Variants in KCNMB2 observed in about 807,000 individuals in gnomAD.
The protein encoded by KCNMB2 is calcium-activated potassium channel subunit beta-2.
In KCNMB2, 9 loss-of-function variants were observed where a neutral mutation model predicts 24.5. The ratio of observed to expected loss-of-function variants is 0.37; its 90% CI spans 0.22 to 0.64. The LOEUF (loss-of-function observed/expected upper bound fraction) is 0.64, where lower values mean the gene tolerates loss of function less well. Among genes scored for constraint, KCNMB2 ranks in the 30% least tolerant of loss-of-function variants. KCNMB2 has a pLI of 0.63. For synonymous variants in KCNMB2, 109 were observed against 104.4 expected, an observed-to-expected ratio of 1.04 and a Z score of -0.27; for missense variants, 226 against 284.3, an observed-to-expected ratio of 0.79 and a Z score of 1.47.
At position 178,750,501 on chromosome 3, in the gene KCNMB2, A is replaced by C. The variant is rs187905993; in HGVS notation, c.-67-56842A>C. Among the ~76,000 whole-genome samples, 1,166 of 152,336 alleles carry C rather than the reference A, an allele frequency of 7.7e-3. 6 individuals are homozygous for C. Among genetic ancestry groups the C allele is most frequent in the Middle Eastern group, 0.017 (5 of 292 alleles). On this transcript the variant is annotated intron_variant, in intron 1 of 4. Transcript: ENST00000452583. The stretch of plus-strand genomic sequence containing the variant: ...GTCAGACATTCTACTCTGAAGGCAG[A>C]ATCCAACAGATCTGATTCCAGAGCC...
At chr3:178,779,277 T>C (rs114405588) in intron 1 of KCNMB2, among the ~76,000 whole-genome samples, 1 of 152,318 alleles carries the variant, frequency 6.6e-6, no homozygotes, top group African/African-American at 2.4e-5. Context: ...GCTTTCAATA[T>C]CCACCTCTTC....
chr3:178,662,210 A>G (rs972259491), intron 1 of KCNMB2, among the ~76,000 whole-genome samples: 1 of 152,198 alleles, frequency 6.6e-6, no homozygotes, highest in African/African-American at 2.4e-5. Flanking sequence ...ATAATCCTAA[A>G]AGTAGAATAC....
chr3:178,734,854 A>G (rs1723267005), intron 1 of KCNMB2, among the ~76,000 whole-genome samples: 1 of 152,192 alleles, frequency 6.6e-6, no homozygotes, highest in Non-Finnish European at 1.5e-5. Context: ...ATGACTTCCA[A>G]AGATTCCCAC....
intron 1 of KCNMB2, among the ~76,000 whole-genome samples, chr3:178,774,107 G>T (rs533994883): frequency 1.3e-5 from 2 of 152,216 alleles, no homozygotes; most frequent in Non-Finnish European, 2.9e-5. Flanking sequence ...GCTGTGTGAA[G>T]CCTCTTCTTT....
At chr3:178,766,958 C>T (rs904786600) in intron 1 of KCNMB2, among the ~76,000 whole-genome samples, 2 of 152,134 alleles carry the variant, frequency 1.3e-5, no homozygotes, top group Non-Finnish European at 2.9e-5. Flanking sequence ...CAATCTAAGG[C>T]AATAGTTCTC....
In KCNMB2 at chr3:178,645,476, G is replaced by C. The variant is rs149525942; in HGVS notation, c.-68+108765G>C. On this transcript the variant is annotated intron_variant, in intron 1 of 4. Transcript: ENST00000452583. Reference sequence around the variant, plus strand: ...GGCAGGGGAAATAAACATCTGTAAGGGGGATGCAAATTCAGTCCAGGAAGG... The same window carrying C: ...GGCAGGGGAAATAAACATCTGTAAGCGGGATGCAAATTCAGTCCAGGAAGG... Among the ~76,000 whole-genome samples, 241 of 152,224 alleles carry C rather than the reference G, an allele frequency of 1.6e-3. 5 individuals carry two copies. The East Asian group carries it at 0.037, about 23-fold the overall frequency.
chr3:178,731,449 C>G (rs935135013), intron 1 of KCNMB2, among the ~76,000 whole-genome samples: 1 of 152,150 alleles, frequency 6.6e-6, no homozygotes, highest in African/African-American at 2.4e-5. Flanking sequence ...TGCCAAATGT[C>G]CCCCGTGGGA....
chr3:178,660,235 A>C (rs970253069), intron 1 of KCNMB2, among the ~76,000 whole-genome samples: 1 of 152,218 alleles, frequency 6.6e-6, no homozygotes. Flanking sequence ...TTTGCAGAGG[A>C]TATTAAATAA....
Position 178,749,580 on chromosome 3 carries a change from G to A in KCNMB2, c.-67-57763G>A, listed in dbSNP as rs183024915. Among the ~76,000 whole-genome samples the A allele has an allele frequency of 5.3e-5, 8 of 152,256 alleles. No individual in the cohort carries two copies. In the East Asian group the frequency reaches 1.4e-3, roughly 26 times the overall value. ...CTGTTCTGTGCCATCTGCTCATTTCGTATCCAGCACAGCTCTGTGGAGGGC... is the reference window on the plus strand; with the variant it reads ...CTGTTCTGTGCCATCTGCTCATTTCATATCCAGCACAGCTCTGTGGAGGGC... On this transcript the variant is annotated intron_variant, in intron 1 of 4. Coordinates refer to ENST00000452583, the MANE Select transcript of KCNMB2 (RefSeq NM_181361.3).
intron 1 of KCNMB2, among the ~76,000 whole-genome samples, chr3:178,760,098 A>G (rs1444680789): frequency 2.2e-5 from 1 of 45,238 alleles, no homozygotes; most frequent in African/African-American, 1.2e-4. Context: ...ATATCTATAT[A>G]TATATATATA....
chr3:178,624,794 G>A (rs940027190), intron 1 of KCNMB2, among the ~76,000 whole-genome samples: 2 of 151,926 alleles, frequency 1.3e-5, no homozygotes, highest in Admixed American at 1.3e-4. Flanking sequence ...GACAGGGCGG[G>A]CAACCTGTCC....
intron 1 of KCNMB2, among the ~76,000 whole-genome samples, chr3:178,731,153 G>C (rs1723137117): frequency 6.6e-6 from 1 of 152,032 alleles, no homozygotes; most frequent in African/African-American, 2.4e-5. Flanking sequence ...AGCCAAGTGG[G>C]AGCCTATATG....
chr3:178,588,266 C>T (rs923238754), intron 1 of KCNMB2, among the ~76,000 whole-genome samples: 1 of 152,070 alleles, frequency 6.6e-6, no homozygotes, highest in South Asian at 2.1e-4. Flanking sequence ...TCATTCCAAT[C>T]AGAGGTTAAA....
At chr3:178,696,161 A>T (rs1721867566) in intron 1 of KCNMB2, among the ~76,000 whole-genome samples, 1 of 152,212 alleles carries the variant, frequency 6.6e-6, no homozygotes, top group Admixed American at 6.5e-5. Context: ...AGCCTCTTAT[A>T]AAACCATAAA....
chr3:178,700,080 C>T (rs1045414823), intron 1 of KCNMB2, among the ~76,000 whole-genome samples: 1 of 152,172 alleles, frequency 6.6e-6, no homozygotes, highest in Non-Finnish European at 1.5e-5. Context: ...TCTATCCAAG[C>T]CAGTATTACC....
chr3:178,725,706 T>G (rs1559990919), intron 1 of KCNMB2, among the ~76,000 whole-genome samples: 1 of 152,054 alleles, frequency 6.6e-6, no homozygotes, highest in African/African-American at 2.4e-5. Context: ...AAAAGGAATA[T>G]TTCATGTGCT....
chr3:178,747,824 T>C (rs1723720470), intron 1 of KCNMB2, among the ~76,000 whole-genome samples: 1 of 152,230 alleles, frequency 6.6e-6, no homozygotes, highest in African/African-American at 2.4e-5. Flanking sequence ...GTTCATCTTT[T>C]TATGATAAAC....
chr3:178,787,346 CATATATTCACGTT>C (rs1274024635), intron 1 of KCNMB2, among the ~76,000 whole-genome samples: 3 of 152,130 alleles, frequency 2.0e-5, no homozygotes, highest in Non-Finnish European at 4.4e-5. Context: ...TATTAACTCA[CATATATTCACGTT>C]ACATATAGTA....
At chr3:178,662,941 C>T (rs991299563) in intron 1 of KCNMB2, among the ~76,000 whole-genome samples, 1 of 152,024 alleles carries the variant, frequency 6.6e-6, no homozygotes, top group African/African-American at 2.4e-5. Context: ...ACAAAACCAC[C>T]CAGAAACACA....
Sources: gnomAD v4.1 joint callset for allele counts (sites outside exome capture counted in the v4.1 genomes callset) on GRCh38, gnomAD v4.1.1 for gene constraint, MANE v1.5 for transcripts, NCBI Gene and HGNC (gene_info 2026-07-23, HGNC 2026-07-21) for gene names.